ANKRD29: variants seen among roughly 807,000 people sequenced by gnomAD.
The protein encoded by ANKRD29 is ankyrin repeat domain 29.
A neutral mutation model predicts 38.0 loss-of-function variants in ANKRD29; 32 were observed. That is an observed-to-expected ratio of 0.84 (90% CI 0.64 to 1.13). The LOEUF is 1.13. Ranked by LOEUF, ANKRD29 falls within the 50% of genes most tolerant of loss-of-function variation. The pLI is 0.00. For missense variants in ANKRD29, 357 were observed against 377.9 expected, an observed-to-expected ratio of 0.94 and a Z score of 0.46; for synonymous variants, 135 against 152.4, an observed-to-expected ratio of 0.89 and a Z score of 0.84.
chr18:23,649,060 A>C, intron 2 of ANKRD29, 23 bp downstream of exon 2: 1 of 1,603,898 alleles, frequency 6.2e-7, no homozygotes, highest in African/African-American at 1.3e-5. Flanking sequence ...CATGCTGGGC[A>C]TGCATCTACC....
rs1651923369 is a variant in ANKRD29, at chr18:23,617,727, C to T, written c.723+5G>A. The T allele has an allele frequency of 1.2e-6, 2 of 1,611,354 alleles. No homozygotes were observed. The highest frequency in any genetic ancestry group is 1.7e-6 in the Non-Finnish European group (2 of 1,177,598). The stretch of plus-strand genomic sequence containing the variant: ...AGATTAGTAAAATTTATCTTTAGGT[C>T]TTACCTTCAAAATACCAAGAGTGGG... On this transcript the variant is annotated splice_donor_5th_base_variant and intron_variant, in intron 8 of 9. Coordinates refer to ENST00000592179, the MANE Select transcript of ANKRD29 (RefSeq NM_173505.4).
intron 2 of ANKRD29, chr18:23,648,049 G>A (rs2060162654): frequency 6.5e-6 from 1 of 152,728 alleles, no homozygotes; most frequent in Non-Finnish European, 1.5e-5. Flanking sequence ...AGGATGCAGA[G>A]AACAGTGGGG....
intron 6 of ANKRD29, among the ~76,000 whole-genome samples, chr18:23,622,172 A>G (rs1487531174): frequency 6.6e-6 from 1 of 152,132 alleles, no homozygotes; most frequent in Non-Finnish European, 1.5e-5. Flanking sequence ...AAGGACCAGG[A>G]TTTTGCTAGG....
At chr18:23,637,624 C>T (rs7236966) in intron 4 of ANKRD29, among the ~76,000 whole-genome samples, 15,650 of 151,984 alleles carry the variant, frequency 0.1, 1,775 homozygotes, top group African/African-American at 0.28. Context: ...TCTTGAACTC[C>T]TGAGCTCAAA....
intron 5 of ANKRD29, among the ~76,000 whole-genome samples, chr18:23,631,490 C>CCTGCCT (rs2059932426): frequency 1.3e-5 from 2 of 152,096 alleles, no homozygotes; most frequent in Admixed American, 1.3e-4. Context: ...AAGCGATCCT[C>CCTGCCT]CTGCCTCTGC....
chr18:23,615,057 CG>C (rs2059693647), intron 8 of ANKRD29, among the ~76,000 whole-genome samples: 3 of 152,162 alleles, frequency 2.0e-5, no homozygotes, highest in African/African-American at 7.2e-5. Context: ...GGTTTCACTC[CG>C]TTGCCCTGGC....
At chr18:23,648,403 AAC>A (rs1266593898) in intron 2 of ANKRD29, 5 of 152,822 alleles carry the variant, frequency 3.3e-5, no homozygotes, top group African/African-American at 1.2e-4. Context: ...TTTTCAGGAA[AAC>A]AAAGCTCCTT....
At chr18:23,634,278 GTTTTTTTT>G (rs71163626) in intron 4 of ANKRD29, 129 bp from the exon 5 acceptor site, 51 of 373,194 alleles carry the variant, frequency 1.4e-4, no homozygotes, top group Middle Eastern at 8.1e-4. Context: ...CACTTTCCCT[GTTTTTTTT>G]TTTTTTTTTT....
At chr18:23,619,365 GGA>G in intron 7 of ANKRD29, 164 bp downstream of exon 7, 2 of 646,740 alleles carry the variant, frequency 3.1e-6, no homozygotes, top group South Asian at 4.1e-5. Context: ...GGGTGGAGGA[GGA>G]GAGAGACCGA....
Position 23,662,773 on chromosome 18 carries a change from G to C in ANKRD29, c.-43C>G. ...CGGGAGCCGGCGCGCTTTGGGCCCG[G>C]GGCGCCTTGTCCTCCCCGGCCCTTC... is the stretch of plus-strand genomic sequence containing the variant. On this transcript the variant is annotated 5_prime_UTR_variant, in exon 1 of 10. Transcript: ENST00000592179. The C allele has an allele frequency of 6.9e-7, 1 of 1,445,628 alleles. No individual in the cohort carries two copies. The highest frequency in any genetic ancestry group is 9.1e-7 in the Non-Finnish European group (1 of 1,101,524). The allele number at this position is 1,445,628 out of a possible 1,614,324, so 89.6% of individuals were successfully genotyped here.
rs374213967 is a variant in ANKRD29, at chr18:23,662,756, G to T, written c.-26C>A. On this transcript the variant is annotated 5_prime_UTR_variant, in exon 1 of 10. Transcript: ENST00000592179. ...GTCCGCGGCCGCCCGAGCGGGAGCC[G>T]GCGCGCTTTGGGCCCGGGGCGCCTT... 19 of 1,457,588 alleles carry T rather than the reference G, an allele frequency of 1.3e-5. No homozygotes were observed. Among genetic ancestry groups the T allele is most frequent in the Non-Finnish European group, 1.3e-5 (14 of 1,108,412 alleles). The allele number at this position is 1,457,588 out of a possible 1,614,324, so 90.3% of individuals were successfully genotyped here.
At chr18:23,623,469 T>C (rs17259348) in intron 6 of ANKRD29, among the ~76,000 whole-genome samples, 7,003 of 152,100 alleles carry the variant, frequency 0.046, 458 homozygotes, top group Admixed American at 0.18. Flanking sequence ...CCTTCTGGTA[T>C]AATGGTTAGA....
In ANKRD29 at chr18:23,599,025, T is replaced by A. The variant is rs1239367494; in HGVS notation, c.*2201A>T. The A allele has an allele frequency of 6.6e-6, 1 of 152,248 alleles. No individual in the cohort carries two copies. The highest frequency in any genetic ancestry group is 1.5e-5 in the Non-Finnish European group (1 of 68,042). The allele number at this position is 152,248 out of a possible 1,614,324, so 9.4% of individuals were successfully genotyped here. Reference sequence around the variant, plus strand: ...AACGTTTGTAGTTCAGTTAAGCAGATGATTTGCATAGGAATTGCTAGTTTT... The same window carrying A: ...AACGTTTGTAGTTCAGTTAAGCAGAAGATTTGCATAGGAATTGCTAGTTTT... On this transcript the variant is annotated 3_prime_UTR_variant, in exon 10 of 10. Coordinates refer to ENST00000592179, the MANE Select transcript of ANKRD29 (RefSeq NM_173505.4).
At chr18:23,657,336 T>G (rs1486284649) in intron 1 of ANKRD29, among the ~76,000 whole-genome samples, 1 of 152,244 alleles carries the variant, frequency 6.6e-6, no homozygotes, top group Non-Finnish European at 1.5e-5. Context: ...CCACAGCGAA[T>G]GGAGCCCAGC....
chr18:23,627,874 C>T (rs907772383), intron 6 of ANKRD29, among the ~76,000 whole-genome samples: 14 of 152,040 alleles, frequency 9.2e-5, no homozygotes, highest in Admixed American at 3.9e-4. Context: ...AGGACCAATA[C>T]GAAAATATTA....
At chr18:23,603,150 G>A (rs114739795) in intron 9 of ANKRD29, among the ~76,000 whole-genome samples, 38 of 152,296 alleles carry the variant, frequency 2.5e-4, no homozygotes, top group African/African-American at 8.2e-4. Context: ...TCAACAAATG[G>A]TAGTTTCTTA....
chr18:23,616,028 C>G (rs576583366), intron 8 of ANKRD29, among the ~76,000 whole-genome samples: 1 of 149,942 alleles, frequency 6.7e-6, no homozygotes, highest in Admixed American at 6.6e-5. Flanking sequence ...ATACTCTACA[C>G]ATACCGTATG....
intron 3 of ANKRD29, among the ~76,000 whole-genome samples, chr18:23,641,534 C>T (rs1019040875): frequency 4.6e-5 from 7 of 152,224 alleles, no homozygotes; most frequent in South Asian, 2.1e-4. Flanking sequence ...TGGCCCCCTC[C>T]GGACTTTGGG....
chr18:23,654,011 T>C (rs1285834637), intron 1 of ANKRD29, among the ~76,000 whole-genome samples: 1 of 152,020 alleles, frequency 6.6e-6, no homozygotes, highest in Non-Finnish European at 1.5e-5. Context: ...CTCACGCCTG[T>C]AATCTCAGCA....
Sources: gnomAD v4.1 joint callset for allele counts (sites outside exome capture counted in the v4.1 genomes callset) on GRCh38, gnomAD v4.1.1 for gene constraint, MANE v1.5 for transcripts, NCBI Gene and HGNC (gene_info 2026-07-23, HGNC 2026-07-21) for gene names.